TRAK1: variants seen among roughly 807,000 people sequenced by gnomAD.
TRAK1 encodes the protein trafficking kinesin-binding protein 1.
In TRAK1, 33 loss-of-function variants were observed where a neutral mutation model predicts 92.1. The ratio of observed to expected loss-of-function variants is 0.36; its 90% CI spans 0.27 to 0.48. The LOEUF (loss-of-function observed/expected upper bound fraction) is 0.48, where lower values mean the gene tolerates loss of function less well. Ranked by LOEUF, TRAK1 falls within the 20% of genes least tolerant of loss-of-function variation. TRAK1 has a pLI of 0.99. For missense variants in TRAK1, 1,123 were observed against 1,257.9 expected, an observed-to-expected ratio of 0.89 and a Z score of 1.62; for synonymous variants, 521 against 517.3, an observed-to-expected ratio of 1.01 and a Z score of -0.10.
At chr3:42,193,583 G>T (rs1293294426) in intron 8 of TRAK1, among the ~76,000 whole-genome samples, 2 of 152,130 alleles carry the variant, frequency 1.3e-5, no homozygotes, top group African/African-American at 4.8e-5. Flanking sequence ...TGCTATTAGT[G>T]TGGGGTAAAA....
Position 42,039,538 on chromosome 3 carries a change from A to G in TRAK1, c.-519+25421A>G, listed in dbSNP as rs1271581209. Among the ~76,000 whole-genome samples the G allele has an allele frequency of 2.0e-5, 3 of 152,042 alleles. No homozygotes were observed. The East Asian group carries it at 5.8e-4, about 29-fold the overall frequency. ...ACCAACATGCCCAGCTAATTTTTGT[A>G]TTTTTAGTAGAGACAGGGTTTCGCC... is the stretch of plus-strand genomic sequence containing the variant. On this transcript the variant is annotated intron_variant, in intron 1 of 16. Transcript: ENST00000487159.
chr3:42,104,096 T>G (rs1707190702), intron 1 of TRAK1, among the ~76,000 whole-genome samples: 1 of 152,166 alleles, frequency 6.6e-6, no homozygotes, highest in Non-Finnish European at 1.5e-5. Context: ...GAGATCAAAC[T>G]GCAAGGCAGC....
At chr3:42,157,026 G>C (rs895638859) in intron 2 of TRAK1, among the ~76,000 whole-genome samples, 1 of 151,874 alleles carries the variant, frequency 6.6e-6, no homozygotes, top group Admixed American at 6.6e-5. Flanking sequence ...GGTGGCGGGC[G>C]CCTGTAATCC....
intron 1 of TRAK1, among the ~76,000 whole-genome samples, chr3:42,096,954 T>C (rs1706022212): frequency 6.6e-6 from 1 of 152,256 alleles, no homozygotes; most frequent in Non-Finnish European, 1.5e-5. Context: ...TTCATCTTAT[T>C]CCCAGACCTC....
chr3:42,211,131 A>G (rs1708981560), intron 14 of TRAK1: 1 of 985,076 alleles, frequency 1.0e-6, no homozygotes, highest in South Asian at 4.7e-5. Context: ...AGAAGTGAGG[A>G]CGTTTATCTT....
intron 15 of TRAK1, among the ~76,000 whole-genome samples, chr3:42,220,023 G>A (rs1039088732): frequency 5.9e-5 from 9 of 152,032 alleles, no homozygotes; most frequent in African/African-American, 1.4e-4. Context: ...TTCCTAGGCC[G>A]CTCCTTAACC....
rs535506988 is a variant in TRAK1, at chr3:42,201,583, G to A, written c.1427+529G>A. ...ATGTATAACAAGATGATACCAGAAAGTCTGCTTTCCTGTGAAATGCTTGGG... is the reference window on the plus strand; with the variant it reads ...ATGTATAACAAGATGATACCAGAAAATCTGCTTTCCTGTGAAATGCTTGGG... On this transcript the variant is annotated intron_variant, in intron 12 of 15. Transcript: ENST00000327628. 1.1e-4 allele frequency among the ~76,000 whole-genome samples: 17 copies of A among 152,140 alleles called. No individual in the cohort carries two copies. The South Asian group carries it at 3.3e-3, about 30-fold the overall frequency.
At chr3:42,014,728 C>T (rs1401992007) in intron 1 of TRAK1, among the ~76,000 whole-genome samples, 1 of 152,102 alleles carries the variant, frequency 6.6e-6, no homozygotes, top group East Asian at 1.9e-4. Flanking sequence ...TGTTTTAGAA[C>T]CCGTGGCTGC....
At chr3:42,100,456 G>GCCTTGTTCCATCTA (rs1433694747) in intron 1 of TRAK1, among the ~76,000 whole-genome samples, 5 of 152,158 alleles carry the variant, frequency 3.3e-5, no homozygotes, top group Non-Finnish European at 5.9e-5. Context: ...CTTTTCTCCT[G>GCCTTGTTCCATCTA]CCTTGTTCCA....
intron 1 of TRAK1, among the ~76,000 whole-genome samples, chr3:42,033,593 A>ATCAATCAT (rs1702226466): frequency 6.6e-6 from 1 of 152,008 alleles, no homozygotes; most frequent in African/African-American, 2.4e-5. Context: ...GTCTCAATCA[A>ATCAATCAT]TCAATCAATC....
chr3:42,175,727 G>C (rs888897117), intron 2 of TRAK1, among the ~76,000 whole-genome samples: 3 of 152,206 alleles, frequency 2.0e-5, no homozygotes, highest in African/African-American at 7.2e-5. Flanking sequence ...TTTGCCATTT[G>C]TAATGCTGCT....
In TRAK1 at chr3:42,111,435, G is replaced by C. The variant is rs541221439; in HGVS notation, c.92-13985G>C. Among the ~76,000 whole-genome samples, 4 of 149,606 alleles carry C rather than the reference G, an allele frequency of 2.7e-5. No homozygotes were observed. The East Asian group carries it at 7.9e-4, about 29-fold the overall frequency. On this transcript the variant is annotated intron_variant, in intron 1 of 15. Coordinates refer to ENST00000327628, the MANE Select transcript of TRAK1 (RefSeq NM_001042646.3). ...TTTTGAGACGGAGTCTCACTCTGTC[G>C]CCCAGGCTGGAGTGCGGTGGCGCGA... is the stretch of plus-strand genomic sequence containing the variant.
chr3:42,205,481 G>A (rs1708226792), intron 13 of TRAK1, among the ~76,000 whole-genome samples: 1 of 152,216 alleles, frequency 6.6e-6, no homozygotes, highest in South Asian at 2.1e-4. Context: ...AAGAGTGCTA[G>A]CACTTTCTTG....
chr3:42,084,859 T>G (rs1704600899), upstream of TRAK1, among the ~76,000 whole-genome samples: 1 of 152,072 alleles, frequency 6.6e-6, no homozygotes, highest in Non-Finnish European at 1.5e-5. Flanking sequence ...TTGCAGAAAT[T>G]CCTAAAGGTT....
chr3:42,210,452 C>T, intron 14 of TRAK1: 1 of 1,261,154 alleles, frequency 7.9e-7, no homozygotes, highest in African/African-American at 1.6e-5. Context: ...CTGAAAACAT[C>T]AGTGCCCTTC....
chr3:42,114,837 CA>C, intron 1 of TRAK1, among the ~76,000 whole-genome samples: 1 of 152,212 alleles, frequency 6.6e-6, no homozygotes, highest in Admixed American at 6.5e-5. Context: ...CTCAGCCTCC[CA>C]AGTAGCTGGG....
In TRAK1 at chr3:42,184,754, G is replaced by C. The variant is rs376036345; in HGVS notation, c.433G>C (p.Glu145Gln). 3.1e-5 allele frequency: 50 copies of C among 1,614,006 alleles called. No individual in the cohort carries two copies. Among genetic ancestry groups the C allele is most frequent in the Non-Finnish European group, 4.1e-5 (48 of 1,180,034 alleles). ...GTTGAAGAAGAACAAGACCCTAACC[G>C]AGAGGAACGAGCTGCTGGAGGAGCA... ...SLLKKNKTLT[E>Q]RNELLEEQVE... The change falls in exon 4 of 16, where the codon GAG becomes CAG. Residue 145 changes from glutamate to glutamine, a missense_variant. By Grantham distance (29) the Glu-to-Gln change is conservative (BLOSUM62 2). Transcript: ENST00000327628.
At chr3:42,131,135 G>C (rs1697142651) in intron 2 of TRAK1, among the ~76,000 whole-genome samples, 1 of 152,122 alleles carries the variant, frequency 6.6e-6, no homozygotes, top group Non-Finnish European at 1.5e-5. Context: ...AAGGCATGAG[G>C]ACCCGGAGTA....
intron 3 of TRAK1, among the ~76,000 whole-genome samples, chr3:42,182,361 G>A (rs115288245): frequency 6.6e-6 from 1 of 151,120 alleles, no homozygotes; most frequent in Admixed American, 6.6e-5. Context: ...CTGTAGTGCA[G>A]TGGGGTGAGT....
Sources: allele counts gnomAD v4.1 joint callset (sites outside exome capture counted in the v4.1 genomes callset), GRCh38; gene constraint gnomAD v4.1.1; transcripts MANE v1.5; gene names NCBI Gene and HGNC (gene_info 2026-07-23, HGNC 2026-07-21).